EXT2: variants seen among roughly 807,000 people sequenced by gnomAD.
EXT2 encodes exostosin-2.
A neutral mutation model predicts 81.6 loss-of-function variants in EXT2; 53 were observed. That is an observed-to-expected ratio of 0.65 (90% confidence interval 0.52 to 0.82). EXT2 has a LOEUF of 0.82. Among genes scored for constraint, EXT2 ranks in the 40% least tolerant of loss-of-function variants. The pLI is 0.00. For missense variants in EXT2, 774 were observed against 910.2 expected (o/e 0.85, Z 1.93); for synonymous variants, 320 against 340.0 (o/e 0.94, Z 0.65).
intron 10 of EXT2, among the ~76,000 whole-genome samples, chr11:44,222,307 C>A (rs1213349368): frequency 3.3e-5 from 5 of 152,192 alleles, no homozygotes; most frequent in African/African-American, 7.2e-5. Context: ...GAGATCTGGG[C>A]TTGATTGAAA....
chr11:44,096,073 C>A, intron 1 of EXT2: 1 of 679,084 alleles, frequency 1.5e-6, no homozygotes, highest in Non-Finnish European at 2.7e-6. Context: ...GCTTCTCCTT[C>A]TCCTCCGGCG....
rs539752879 is a variant in EXT2, at chr11:44,250,338, G to A, written c.*6051G>A. Among the ~76,000 whole-genome samples the A allele has an allele frequency of 5.9e-5, 9 of 152,332 alleles. No individual in the cohort carries two copies. Among genetic ancestry groups the A allele is most frequent in the African/African-American group, 2.2e-4 (9 of 41,574 alleles). On this transcript the variant is annotated 3_prime_UTR_variant, in exon 14 of 14. Coordinates refer to ENST00000533608, the MANE Select transcript of EXT2 (RefSeq NM_207122.2). ...CTTTAAAATGTCCTTTTCTCACAGT[G>A]ACTTCCCTTGACCATGCCTTAGTTT...
chr11:44,232,933 G>C (rs1440894450), intron 11 of EXT2, among the ~76,000 whole-genome samples: 2 of 152,078 alleles, frequency 1.3e-5, no homozygotes, highest in Non-Finnish European at 2.9e-5. Context: ...TGTTTTAGAA[G>C]TCATGTATAA....
intron 8 of EXT2, among the ~76,000 whole-genome samples, chr11:44,189,296 C>T (rs1339295838): frequency 1.3e-5 from 2 of 152,212 alleles, no homozygotes; most frequent in African/African-American, 4.8e-5. Flanking sequence ...CTCCATTTTT[C>T]ACATGTCTGT....
chr11:44,233,547 G>A (rs1225546106), intron 11 of EXT2, among the ~76,000 whole-genome samples: 2 of 152,084 alleles, frequency 1.3e-5, no homozygotes, highest in Non-Finnish European at 2.9e-5. Flanking sequence ...GGGAGTATAT[G>A]GTTTAATTAA....
intron 7 of EXT2, among the ~76,000 whole-genome samples, chr11:44,148,231 A>C (rs1268368304): frequency 1.3e-5 from 2 of 152,188 alleles, no homozygotes; most frequent in Admixed American, 6.5e-5. Context: ...ACTACTCCCT[A>C]AATGTTGTTG....
At chr11:44,171,813 C>A in intron 8 of EXT2, 71 bp downstream of exon 8, 1 of 1,594,128 alleles carries the variant, frequency 6.3e-7, no homozygotes, top group South Asian at 1.1e-5. Flanking sequence ...GAAAAATGTA[C>A]TACAATTGTA....
chr11:44,149,439 C>T (rs1402487386), intron 7 of EXT2, among the ~76,000 whole-genome samples: 2 of 152,084 alleles, frequency 1.3e-5, no homozygotes, highest in Non-Finnish European at 2.9e-5. Context: ...TTTCTGTATC[C>T]TTTCTCTGAT....
At chr11:44,185,865 A>G (rs1009201703) in intron 8 of EXT2, among the ~76,000 whole-genome samples, 1 of 152,246 alleles carries the variant, frequency 6.6e-6, no homozygotes, top group East Asian at 1.9e-4. Flanking sequence ...TTTTATGCCC[A>G]GATCAGAGAA....
chr11:44,134,390 G>A (rs897890789), intron 7 of EXT2, among the ~76,000 whole-genome samples: 1 of 152,164 alleles, frequency 6.6e-6, no homozygotes. Context: ...TTGAGAAGAT[G>A]ATGCCGATAT....
intron 8 of EXT2, among the ~76,000 whole-genome samples, chr11:44,177,967 C>T (rs893948601): frequency 3.9e-5 from 6 of 152,214 alleles, no homozygotes; most frequent in African/African-American, 1.2e-4. Flanking sequence ...GGCAACTTCA[C>T]TGCAATCAAA....
At chr11:44,180,781 A>G (rs1349776547) in intron 8 of EXT2, among the ~76,000 whole-genome samples, 2 of 152,008 alleles carry the variant, frequency 1.3e-5, no homozygotes, top group Non-Finnish European at 2.9e-5. Context: ...ATGAAGGGAG[A>G]TACATTTTCT....
At chr11:44,170,163 C>T (rs929535754) in intron 7 of EXT2, among the ~76,000 whole-genome samples, 18 of 152,130 alleles carry the variant, frequency 1.2e-4, no homozygotes, top group African/African-American at 3.1e-4. Context: ...TCTCTGACCA[C>T]AGCGCAGTCA....
Position 44,109,168 on chromosome 11 carries a change from C to G in EXT2, c.537-26C>G, listed in dbSNP as rs1199660604. On this transcript the variant is annotated intron_variant, in intron 2 of 13. Coordinates refer to ENST00000533608, the MANE Select transcript of EXT2 (RefSeq NM_207122.2). ...TCTTTTCATAGTTGACACATTAATTCTCCTACATTTTAAATTTCTTGACAG... is the reference window on the plus strand; with the variant it reads ...TCTTTTCATAGTTGACACATTAATTGTCCTACATTTTAAATTTCTTGACAG... 9 of 1,610,574 alleles carry G rather than the reference C, an allele frequency of 5.6e-6. No individual in the cohort carries two copies. In the Admixed American group the frequency reaches 1.5e-4, roughly 27 times the overall value.
intron 7 of EXT2, among the ~76,000 whole-genome samples, chr11:44,147,593 C>T (rs901687222): frequency 1.3e-5 from 2 of 152,064 alleles, no homozygotes; most frequent in African/African-American, 2.4e-5. Context: ...CAGAGTCCTG[C>T]TCTGTCACCC....
At chr11:44,119,360 G>A (rs1417322678) in intron 4 of EXT2, among the ~76,000 whole-genome samples, 5 of 151,962 alleles carry the variant, frequency 3.3e-5, no homozygotes, top group African/African-American at 7.2e-5. Context: ...GGTAGAAGAC[G>A]CATGGGGTGA....
intron 1 of EXT2, among the ~76,000 whole-genome samples, chr11:44,102,782 T>G (rs1954004945): frequency 6.6e-6 from 1 of 152,156 alleles, no homozygotes; most frequent in South Asian, 2.1e-4. Context: ...GGTCTTACTT[T>G]CCATGACCAT....
chr11:44,142,418 G>A (rs1367504262), intron 7 of EXT2, among the ~76,000 whole-genome samples: 4 of 152,052 alleles, frequency 2.6e-5, no homozygotes, highest in East Asian at 1.9e-4. Flanking sequence ...TTTTTCTACC[G>A]GTAACTTAAA....
At chr11:44,179,717 T>G (rs1955208322) in intron 8 of EXT2, among the ~76,000 whole-genome samples, 1 of 152,232 alleles carries the variant, frequency 6.6e-6, no homozygotes, top group African/African-American at 2.4e-5. Context: ...TTGTTTCCGT[T>G]TCTAATATTC....
Sources: allele counts gnomAD v4.1 joint callset (sites outside exome capture counted in the v4.1 genomes callset), GRCh38; gene constraint gnomAD v4.1.1; transcripts MANE v1.5; gene names NCBI Gene and HGNC (gene_info 2026-07-23, HGNC 2026-07-21).